Variants in COL23A1 observed in about 807,000 individuals in gnomAD.
COL23A1 encodes the protein collagen alpha-1(XXIII) chain.
In COL23A1, 97 loss-of-function variants were observed where a neutral mutation model predicts 99.3. The observed-to-expected ratio is 0.98, with a 90% confidence interval of 0.83 to 1.16. The LOEUF is 1.16. Ranked by LOEUF, COL23A1 falls within the 50% of genes most tolerant of loss-of-function variation. The probability of loss-of-function intolerance (pLI) is 0.00; values close to 1 mark genes in which losing one functional copy is unlikely to be tolerated. For synonymous variants in COL23A1, 320 were observed against 308.2 expected, an observed-to-expected ratio of 1.04 and a Z score of -0.40; for missense variants, 762 against 757.4, an observed-to-expected ratio of 1.01 and a Z score of -0.07.
chr5:178,266,750 C>T (rs1216169489), intron 8 of COL23A1, among the ~76,000 whole-genome samples: 1 of 152,148 alleles, frequency 6.6e-6, no homozygotes, highest in Admixed American at 6.5e-5. Flanking sequence ...AGCTCAGGGC[C>T]GCGGAGGTGC....
rs987111557 is a variant in COL23A1, at chr5:178,290,212, G to A, written c.414+150C>T. On this transcript the variant is annotated intron_variant, in intron 4 of 28. Coordinates refer to ENST00000390654, the MANE Select transcript of COL23A1 (RefSeq NM_173465.4). ...CTCCCAAAGTGCTGGGATTCCAGGC[G>A]TGAGCCACCGCACCTGGCCACTTTT... 110 of 1,047,410 alleles carry A rather than the reference G, an allele frequency of 1.1e-4. No individual in the cohort carries two copies. In the Admixed American group the frequency reaches 1.7e-3, roughly 16 times the overall value. The allele number at this position is 1,047,410 out of a possible 1,614,324, so 64.9% of individuals were successfully genotyped here.
Position 178,384,041 on chromosome 5 carries a change from T to C in COL23A1, c.362-77122A>G, listed in dbSNP as rs993328220. Among the ~76,000 whole-genome samples the C allele has an allele frequency of 2.6e-5, 4 of 152,190 alleles. No individual in the cohort carries two copies. The highest frequency in any genetic ancestry group is 5.9e-5 in the Non-Finnish European group (4 of 68,036). On this transcript the variant is annotated intron_variant, in intron 2 of 28. Transcript: ENST00000390654. The surrounding 1 kb of genome is among the most constrained non-coding windows in gnomAD (Gnocchi z 5.5). ...GGGCCCAGGACTCCACCAGGCGGCC[T>C]GTGCAAGCCTGGGCTGCATCTCCTG...
intron 2 of COL23A1, among the ~76,000 whole-genome samples, chr5:178,509,632 G>C (rs1455051597): frequency 1.3e-5 from 2 of 152,116 alleles, no homozygotes; most frequent in East Asian, 3.9e-4. Context: ...ATGATCGTGG[G>C]CTTTCCCACC....
chr5:178,281,760 G>A lies in COL23A1; in HGVS notation c.441+6564C>T, dbSNP rs572248438. On this transcript the variant is annotated intron_variant, in intron 5 of 28. Coordinates refer to ENST00000390654, the MANE Select transcript of COL23A1 (RefSeq NM_173465.4). The surrounding 1 kb of genome is among the most constrained non-coding windows in gnomAD (Gnocchi z 4.0). The stretch of plus-strand genomic sequence containing the variant: ...TAAAATTTTATTTTTTAAAACAGAC[G>A]GGGATTCGGCCAGGATTGGCAGCTC... 1.3e-5 allele frequency among the ~76,000 whole-genome samples: 2 copies of A among 152,120 alleles called. No individual in the cohort carries two copies. The highest frequency in any genetic ancestry group is 1.9e-4 in the East Asian group (1 of 5,180).
intron 2 of COL23A1, among the ~76,000 whole-genome samples, chr5:178,404,122 G>C (rs975774681): frequency 6.6e-6 from 1 of 152,186 alleles, no homozygotes; most frequent in East Asian, 1.9e-4. Context: ...AGTCAGAACC[G>C]GAAGACGGCA....
intron 2 of COL23A1, among the ~76,000 whole-genome samples, chr5:178,330,860 C>A (rs937670683): frequency 6.6e-6 from 1 of 152,198 alleles, no homozygotes; most frequent in Admixed American, 6.5e-5. Context: ...CACTCCCCAG[C>A]CTGGCTACTT....
At chr5:178,303,403 A>G (rs1039231145) in intron 3 of COL23A1, among the ~76,000 whole-genome samples, 69 of 152,260 alleles carry the variant, frequency 4.5e-4, no homozygotes, top group Non-Finnish European at 8.8e-5. Flanking sequence ...TTTCCTGAAT[A>G]AACATTTCTT....
At chr5:178,548,010 C>T (rs1299134448) in intron 2 of COL23A1, among the ~76,000 whole-genome samples, 1 of 41,042 alleles carries the variant, frequency 2.4e-5, no homozygotes, top group Non-Finnish European at 5.3e-5. Flanking sequence ...CATACCCACC[C>T]ACACACACCC....
At chr5:178,267,486 C>T (rs1226933515) in intron 7 of COL23A1, among the ~76,000 whole-genome samples, 153 bp from the exon 8 acceptor site, 5 of 152,154 alleles carry the variant, frequency 3.3e-5, no homozygotes, top group South Asian at 2.1e-4. Context: ...CCATTTCCAA[C>T]GAGGAAGCAG....
rs1411253193 is a variant in COL23A1, at chr5:178,281,862, C to T, written c.441+6462G>A. Among the ~76,000 whole-genome samples the T allele has an allele frequency of 6.6e-6, 1 of 151,812 alleles. No individual in the cohort carries two copies. Among genetic ancestry groups the T allele is most frequent in the Non-Finnish European group, 1.5e-5 (1 of 67,982 alleles). On this transcript the variant is annotated intron_variant, in intron 5 of 28. Transcript: ENST00000390654. The surrounding 1 kb of genome is among the most constrained non-coding windows in gnomAD (Gnocchi z 4.0). ...CTCAGGAGTTTGAGACCAGCCTGTG[C>T]AACATGGCAAAACCCTGTGTCTATT...
chr5:178,450,322 C>G lies in COL23A1; in HGVS notation c.361+110360G>C, dbSNP rs1451926505. ...GCATAAGCCTTCCTGGTCCCACATT[C>G]CCTTGCAGTTGGCGGAACAGATGGG... On this transcript the variant is annotated intron_variant, in intron 2 of 28. Coordinates refer to ENST00000390654, the MANE Select transcript of COL23A1 (RefSeq NM_173465.4). Among the ~76,000 whole-genome samples the G allele has an allele frequency of 2.0e-5, 3 of 152,298 alleles. 1 individual carries two copies. The South Asian group carries it at 6.2e-4, about 32-fold the overall frequency.
At chr5:178,533,739 C>T (rs1194016606) in intron 2 of COL23A1, among the ~76,000 whole-genome samples, 7 of 152,254 alleles carry the variant, frequency 4.6e-5, no homozygotes, top group East Asian at 1.9e-4. Flanking sequence ...CCTCGTGATC[C>T]GCCTGCCTCA....
chr5:178,453,195 G>T (rs1478354816), intron 2 of COL23A1, among the ~76,000 whole-genome samples: 1 of 152,172 alleles, frequency 6.6e-6, no homozygotes, highest in East Asian at 1.9e-4. Context: ...TAAAAAAGGA[G>T]AACAAGAGAC....
chr5:178,567,166 G>C (rs1380264669), intron 1 of COL23A1, among the ~76,000 whole-genome samples: 1 of 152,200 alleles, frequency 6.6e-6, no homozygotes, highest in African/African-American at 2.4e-5. Flanking sequence ...TGTGCATATA[G>C]AGGAGTCAAT....
chr5:178,575,046 A>G (rs1581666254), intron 1 of COL23A1, among the ~76,000 whole-genome samples: 1 of 152,208 alleles, frequency 6.6e-6, no homozygotes, highest in East Asian at 1.9e-4. Context: ...AGGAAAGGAC[A>G]GCTCCGCACA....
intron 26 of COL23A1, 104 bp from the exon 27 acceptor site, chr5:178,242,232 G>T: frequency 6.8e-7 from 1 of 1,461,742 alleles, no homozygotes; most frequent in Non-Finnish European, 9.4e-7. Flanking sequence ...CCCTGCCTCC[G>T]CCCACCTGCC....
intron 3 of COL23A1, among the ~76,000 whole-genome samples, chr5:178,296,458 G>A (rs1177163647): frequency 6.6e-6 from 1 of 152,210 alleles, no homozygotes; most frequent in African/African-American, 2.4e-5. Flanking sequence ...GGGGCAGAGA[G>A]AGGTGAGATA....
intron 2 of COL23A1, among the ~76,000 whole-genome samples, chr5:178,527,452 G>A (rs1368130082): frequency 6.6e-6 from 1 of 152,154 alleles, no homozygotes; most frequent in African/African-American, 2.4e-5. Flanking sequence ...CAGCTCCAAG[G>A]GGCCTCCAGG....
rs572233543 is a variant in COL23A1 at position 178,384,551 on chromosome 5, C to A, written c.362-77632G>T. Among the ~76,000 whole-genome samples, 45 of 152,294 alleles carry A rather than the reference C, an allele frequency of 3.0e-4. No individual in the cohort carries two copies. The highest frequency in any genetic ancestry group is 1.1e-3 in the African/African-American group (44 of 41,574). ...CCACCGGGCACTGTGCAGGGGCCGG[C>A]GTGCCTTACTTCCCTCCCTGCTCCT... On this transcript the variant is annotated intron_variant, in intron 2 of 28. Transcript: ENST00000390654. The surrounding 1 kb of genome is among the most constrained non-coding windows in gnomAD (Gnocchi z 5.5).
Sources: allele counts gnomAD v4.1 joint callset (sites outside exome capture counted in the v4.1 genomes callset), GRCh38; gene constraint gnomAD v4.1.1; non-coding constraint Gnocchi (gnomAD v3.1); transcripts MANE v1.5; gene names NCBI Gene and HGNC (gene_info 2026-07-23, HGNC 2026-07-21).